Variants in MYO1E observed in about 807,000 individuals in gnomAD.
The protein encoded by MYO1E is myosin IE.
In MYO1E, 68 loss-of-function variants were observed where a neutral mutation model predicts 151.1. The ratio of observed to expected loss-of-function variants is 0.45; its 90% CI spans 0.37 to 0.55. The LOEUF is 0.55. MYO1E is among the 20% of genes least tolerant of loss of function. The probability of loss-of-function intolerance (pLI) is 0.00; values close to 1 mark genes in which losing one functional copy is unlikely to be tolerated. For missense variants in MYO1E, 1,363 were observed against 1,389.3 expected (o/e 0.98, Z 0.30); for synonymous variants, 601 against 501.7 (o/e 1.20, Z -2.64).
intron 1 of MYO1E, among the ~76,000 whole-genome samples, chr15:59,289,898 ATACT>A (rs1596402445): frequency 6.6e-6 from 1 of 152,324 alleles, no homozygotes; most frequent in East Asian, 1.9e-4. Flanking sequence ...TTCTCCAAGA[ATACT>A]TACTTCTCAT....
chr15:59,233,492 C>T (rs1440521258), intron 5 of MYO1E, among the ~76,000 whole-genome samples: 1 of 151,816 alleles, frequency 6.6e-6, no homozygotes, highest in African/African-American at 2.4e-5. Flanking sequence ...GGTGAAACCC[C>T]ATCTCTACTA....
At chr15:59,364,776 G>A (rs1303684442) in intron 1 of MYO1E, among the ~76,000 whole-genome samples, 5 of 151,944 alleles carry the variant, frequency 3.3e-5, no homozygotes, top group African/African-American at 9.7e-5. Flanking sequence ...ATGGTAGTGT[G>A]TACCTATAAT....
At chr15:59,264,264 G>A (rs543529554) in intron 2 of MYO1E, among the ~76,000 whole-genome samples, 1 of 152,280 alleles carries the variant, frequency 6.6e-6, no homozygotes, top group Non-Finnish European at 1.5e-5. Flanking sequence ...GGAAACTGAG[G>A]CACGGAGAAA....
At chr15:59,209,539 G>A (rs1055981175) in intron 13 of MYO1E, among the ~76,000 whole-genome samples, 53 of 151,920 alleles carry the variant, frequency 3.5e-4, no homozygotes, top group Middle Eastern at 3.2e-3. Flanking sequence ...AGCCAGGTGT[G>A]GTGGTGGGCG....
At chr15:59,246,158 T>C (rs1210306106) in intron 4 of MYO1E, among the ~76,000 whole-genome samples, 1 of 152,110 alleles carries the variant, frequency 6.6e-6, no homozygotes, top group Non-Finnish European at 1.5e-5. Context: ...TGCTCTGTCA[T>C]CCAGGCTGGA....
chr15:59,344,369 C>G (rs933291461), intron 1 of MYO1E, among the ~76,000 whole-genome samples: 1 of 152,200 alleles, frequency 6.6e-6, no homozygotes, highest in Non-Finnish European at 1.5e-5. Flanking sequence ...TTTTCCCAAA[C>G]AGAGTTTTGC....
chr15:59,176,054 T>C (rs1161939877), intron 19 of MYO1E, among the ~76,000 whole-genome samples: 4 of 151,062 alleles, frequency 2.6e-5, no homozygotes, highest in African/African-American at 9.7e-5. Flanking sequence ...ATGTGGGTTT[T>C]GTTGTTGTTG....
chr15:59,269,897 C>G (rs774214944), intron 2 of MYO1E, among the ~76,000 whole-genome samples: 2 of 151,882 alleles, frequency 1.3e-5, no homozygotes, highest in African/African-American at 2.4e-5. Flanking sequence ...GAGCAGAAGT[C>G]AGCAAATTTT....
intron 1 of MYO1E, among the ~76,000 whole-genome samples, chr15:59,336,233 C>T (rs1288133758): frequency 1.3e-5 from 2 of 151,490 alleles, no homozygotes; most frequent in Non-Finnish European, 2.9e-5. Flanking sequence ...TAGCTGGGTG[C>T]GATGGCGTGG....
In MYO1E at chr15:59,174,145, G is replaced by A. The variant is rs371787176; in HGVS notation, c.2145C>T (p.Tyr715=). Residue 715 remains tyrosine, a synonymous_variant, in exon 20 of 28, where the codon TAC becomes TAT. Transcript: ENST00000288235. ...SWRKFVARKK[Y]VQMREEASDL... ...AAATACCTTCTTCTCTCATTTGAAC[G>A]TATTTCTTCCGGGCCACGAATTTCC... The A allele has an allele frequency of 1.9e-5, 30 of 1,613,316 alleles. No homozygotes were observed. Among genetic ancestry groups the A allele is most frequent in the African/African-American group, 1.1e-4 (8 of 75,000 alleles).
At chr15:59,369,392 A>G (rs1286923067) in intron 1 of MYO1E, among the ~76,000 whole-genome samples, 2 of 152,256 alleles carry the variant, frequency 1.3e-5, no homozygotes, top group African/African-American at 2.4e-5. Context: ...ATAAAAATCA[A>G]TCACAATTTC....
intron 1 of MYO1E, among the ~76,000 whole-genome samples, chr15:59,277,919 A>G (rs2080330667): frequency 6.6e-6 from 1 of 152,198 alleles, no homozygotes; most frequent in Non-Finnish European, 1.5e-5. Flanking sequence ...TGGGGAGAAG[A>G]CCTGGAGTTT....
intron 1 of MYO1E, among the ~76,000 whole-genome samples, chr15:59,333,468 T>C (rs1361572549): frequency 6.6e-6 from 1 of 152,108 alleles, no homozygotes; most frequent in African/African-American, 2.4e-5. Context: ...ATCTCAAACT[T>C]CTGGGCTCAA....
In MYO1E at chr15:59,211,003, C is replaced by T. The variant is rs137857935; in HGVS notation, c.1276-403G>A. Reference sequence around the variant, plus strand: ...GATCACAAGGTCAGGAGTTCGAGACCATCGTGACCAACATGGTGAAACCCT... The same window carrying T: ...GATCACAAGGTCAGGAGTTCGAGACTATCGTGACCAACATGGTGAAACCCT... On this transcript the variant is annotated intron_variant, in intron 12 of 27. Transcript: ENST00000288235. Among the ~76,000 whole-genome samples, 153 of 152,140 alleles carry T rather than the reference C, an allele frequency of 1.0e-3. 1 individual carries two copies. The highest frequency in any genetic ancestry group is 3.5e-3 in the African/African-American group (144 of 41,506).
Position 59,236,604 on chromosome 15 carries a change from C to G in MYO1E, c.401G>C (p.Gly134Ala). ...ACTCACCTGGACTTTGGTCCCTCCT[C>G]CAGACACTCTGGAGATGTAGCTCAT... Reference protein sequence around the residue: ...YIMSYISRVSGGGTKVQHVKD... With the variant: ...YIMSYISRVSAGGTKVQHVKD... The change falls in exon 5 of 28, where the codon GGA becomes GCA. Residue 134 changes from glycine (G) to alanine (A), a missense_variant. By Grantham distance (60) the Gly-to-Ala change is moderately conservative. Transcript: ENST00000288235. The G allele has an allele frequency of 6.2e-7, 1 of 1,613,840 alleles. No individual in the cohort carries two copies.
chr15:59,193,137 G>A (rs1168679671), intron 17 of MYO1E, among the ~76,000 whole-genome samples: 1 of 146,130 alleles, frequency 6.8e-6, no homozygotes, highest in Non-Finnish European at 1.5e-5. Context: ...AGCACCACCT[G>A]CAAGATTTTT....
chr15:59,167,644 G>C (rs530245550), intron 22 of MYO1E, among the ~76,000 whole-genome samples: 1 of 152,320 alleles, frequency 6.6e-6, no homozygotes, highest in Non-Finnish European at 1.5e-5. Flanking sequence ...AATGAAGCCA[G>C]AAATGCAAGC....
rs2079527448 is a variant in MYO1E at position 59,159,749 on chromosome 15, A to G, written c.2785+1324T>C. 6.6e-6 allele frequency among the ~76,000 whole-genome samples: 1 copy of G among 152,198 alleles called. No homozygotes were observed. The highest frequency in any genetic ancestry group is 2.4e-5 in the African/African-American group (1 of 41,432). On this transcript the variant is annotated intron_variant, in intron 24 of 27. Transcript: ENST00000288235. The surrounding 1 kb of genome is among the most constrained non-coding windows in gnomAD (Gnocchi z 4.4). ...ATCAACATTTTCTGAGTGGCTCTAC[A>G]TATATAAAGATATGATGGCATTTGC...
At chr15:59,146,022 ATTG>A (rs1367330534) in intron 26 of MYO1E, among the ~76,000 whole-genome samples, 2 of 151,668 alleles carry the variant, frequency 1.3e-5, no homozygotes, top group Non-Finnish European at 2.9e-5. Context: ...TTATTTCCTT[ATTG>A]TTATTATTTT....
Sources: allele counts gnomAD v4.1 joint callset (sites outside exome capture counted in the v4.1 genomes callset), GRCh38; gene constraint gnomAD v4.1.1; non-coding constraint Gnocchi (gnomAD v3.1); transcripts MANE v1.5; gene names NCBI Gene and HGNC (gene_info 2026-07-23, HGNC 2026-07-21).